FRMD4A: variants seen among roughly 807,000 people sequenced by gnomAD.
FRMD4A encodes the protein FERM domain containing 4A, also known as FERM domain-containing protein 4A.
FRMD4A carries 29 observed loss-of-function variants against 129.1 expected under a neutral mutation model. The observed-to-expected ratio is 0.22, with a 90% CI of 0.17 to 0.31. The LOEUF (loss-of-function observed/expected upper bound fraction) is 0.31. Ranked by LOEUF, FRMD4A falls within the 10% of genes least tolerant of loss-of-function variation. The pLI is 1.00. For missense variants in FRMD4A, 1,272 were observed against 1,375.8 expected (o/e 0.92, Z 1.19); for synonymous variants, 634 against 571.6 (o/e 1.11, Z -1.56).
At chr10:14,192,355 A>G (rs1842344606) in intron 2 of FRMD4A, among the ~76,000 whole-genome samples, 2 of 152,246 alleles carry the variant, frequency 1.3e-5, no homozygotes, top group African/African-American at 2.4e-5. Flanking sequence ...AGATTGATTA[A>G]CTTGTTTAGA....
At chr10:14,237,434 G>A (rs1478285661) in intron 2 of FRMD4A, among the ~76,000 whole-genome samples, 1 of 152,076 alleles carries the variant, frequency 6.6e-6, no homozygotes, top group Non-Finnish European at 1.5e-5. Flanking sequence ...AGGTTCAAGT[G>A]ATTCTCCTGC....
At chr10:14,292,942 A>G (rs1326881558) in intron 2 of FRMD4A, among the ~76,000 whole-genome samples, 1 of 152,228 alleles carries the variant, frequency 6.6e-6, no homozygotes, top group Non-Finnish European at 1.5e-5. Flanking sequence ...TCTGTTCACC[A>G]AAAGGTATTA....
At chr10:13,839,748 C>T (rs548518387) in intron 3 of FRMD4A, among the ~76,000 whole-genome samples, 12 of 152,210 alleles carry the variant, frequency 7.9e-5, no homozygotes, top group Non-Finnish European at 1.6e-4. Flanking sequence ...AGCCACCAGC[C>T]ATGTCCCGCA....
chr10:13,975,588 C>G (rs528344521), intron 2 of FRMD4A, among the ~76,000 whole-genome samples: 1 of 150,592 alleles, frequency 6.6e-6, no homozygotes, highest in Non-Finnish European at 1.5e-5. Context: ...CTGTGAATCT[C>G]TGTGTGTGTC....
intron 12 of FRMD4A, among the ~76,000 whole-genome samples, chr10:13,717,471 G>A (rs1251612629): frequency 6.6e-6 from 1 of 151,956 alleles, no homozygotes; most frequent in Non-Finnish European, 1.5e-5. Context: ...ATGCCACCAT[G>A]CCTGGCTAAT....
intron 2 of FRMD4A, among the ~76,000 whole-genome samples, chr10:14,112,222 G>C (rs1458756372): frequency 6.6e-6 from 1 of 152,140 alleles, no homozygotes; most frequent in Non-Finnish European, 1.5e-5. Flanking sequence ...GGAGGGCCCA[G>C]AGCAGTCAAG....
intron 2 of FRMD4A, among the ~76,000 whole-genome samples, chr10:13,948,276 A>G (rs2095347032): frequency 6.6e-6 from 1 of 151,628 alleles, no homozygotes; most frequent in African/African-American, 2.4e-5. Flanking sequence ...AATGATAAAC[A>G]CCTGGGCTCA....
At chr10:14,309,393 T>C (rs1846462455) in intron 2 of FRMD4A, among the ~76,000 whole-genome samples, 1 of 152,124 alleles carries the variant, frequency 6.6e-6, no homozygotes, top group African/African-American at 2.4e-5. Flanking sequence ...GAGGCTGCAG[T>C]GAGCTGTCAT....
rs75171119 is a variant in FRMD4A, at chr10:13,657,596, G to A, written c.2067-74C>T. The A allele has an allele frequency of 1.4e-3, 2,062 of 1,449,744 alleles. 23 individuals carry two copies. In the African/African-American group the frequency reaches 0.026, roughly 18 times the overall value. The allele number at this position is 1,449,744 out of a possible 1,614,324, so 89.8% of individuals were successfully genotyped here. The stretch of plus-strand genomic sequence containing the variant: ...GGAGGGGTGCTCCGGGGAGGAGGGG[G>A]TCCTGAGGAGGGCACTGGGTGTCTG... On this transcript the variant is annotated intron_variant, in intron 21 of 24. Transcript: ENST00000357447.
At chr10:14,308,940 C>A (rs1430113314) in intron 2 of FRMD4A, among the ~76,000 whole-genome samples, 4 of 152,170 alleles carry the variant, frequency 2.6e-5, no homozygotes, top group African/African-American at 7.2e-5. Context: ...TTCATTCAGC[C>A]CATGCATTTT....
At chr10:13,690,054 G>A (rs1235087605) in intron 15 of FRMD4A, among the ~76,000 whole-genome samples, 2 of 152,178 alleles carry the variant, frequency 1.3e-5, no homozygotes, top group Non-Finnish European at 2.9e-5. Context: ...TAACAAGGAG[G>A]TGAAAGAGAG....
chr10:13,690,335 A>G (rs1306934020), intron 15 of FRMD4A, among the ~76,000 whole-genome samples: 1 of 152,248 alleles, frequency 6.6e-6, no homozygotes, highest in Non-Finnish European at 1.5e-5. Flanking sequence ...AGCCCCTTCC[A>G]GATGGCGCTG....
chr10:14,119,822 C>A (rs1291825370), intron 2 of FRMD4A, among the ~76,000 whole-genome samples: 1 of 152,116 alleles, frequency 6.6e-6, no homozygotes, highest in Non-Finnish European at 1.5e-5. Context: ...CCAAGCAAGG[C>A]TGAGGGAATA....
chr10:14,268,477 G>A (rs1357629987), intron 2 of FRMD4A, among the ~76,000 whole-genome samples: 1 of 152,102 alleles, frequency 6.6e-6, no homozygotes, highest in African/African-American at 2.4e-5. Context: ...CCTAAACAGT[G>A]CAAATGTAAT....
intron 2 of FRMD4A, among the ~76,000 whole-genome samples, chr10:14,145,194 C>T (rs1445351932): frequency 6.6e-6 from 1 of 152,152 alleles, no homozygotes; most frequent in Non-Finnish European, 1.5e-5. Flanking sequence ...AGCAGAATCG[C>T]TAAGTAAGCA....
At chr10:13,831,172 T>C (rs1479588868) in intron 3 of FRMD4A, among the ~76,000 whole-genome samples, 1 of 152,208 alleles carries the variant, frequency 6.6e-6, no homozygotes, top group Non-Finnish European at 1.5e-5. Flanking sequence ...GGCAGGACGC[T>C]CACTTCTACA....
chr10:14,119,233 A>T (rs1838364681), intron 2 of FRMD4A, among the ~76,000 whole-genome samples: 1 of 152,138 alleles, frequency 6.6e-6, no homozygotes, highest in Non-Finnish European at 1.5e-5. Context: ...GTGAATGAAG[A>T]GGTGTTAGAA....
At chr10:14,227,243 C>CTTTTTTTTTTTTTTTTTCTTTTTTTT (rs1843472907) in intron 2 of FRMD4A, among the ~76,000 whole-genome samples, 25 of 64,130 alleles carry the variant, frequency 3.9e-4, no homozygotes, top group African/African-American at 1.4e-3. Flanking sequence ...TCTTCTTCTT[C>CTTTTTTTTTTTTTTTTTCTTTTTTTT]TTTTTTTTTT....
intron 2 of FRMD4A, among the ~76,000 whole-genome samples, chr10:13,889,878 G>A (rs2094674227): frequency 6.6e-6 from 1 of 152,194 alleles, no homozygotes; most frequent in African/African-American, 2.4e-5. Flanking sequence ...ATATAGCGTT[G>A]ATTTCAAAGC....
Sources: allele counts gnomAD v4.1 joint callset (sites outside exome capture counted in the v4.1 genomes callset), GRCh38; gene constraint gnomAD v4.1.1; transcripts MANE v1.5; gene names NCBI Gene and HGNC (gene_info 2026-07-23, HGNC 2026-07-21).